Variants in ANKFN1 observed in about 807,000 individuals in gnomAD.
ANKFN1 encodes ankyrin repeat and fibronectin type III domain containing 1.
A neutral mutation model predicts 108.7 loss-of-function variants in ANKFN1; 74 were observed. The observed-to-expected ratio is 0.68, with a 90% CI of 0.56 to 0.83. ANKFN1 has a LOEUF of 0.83. Among genes scored for constraint, ANKFN1 ranks in the 40% least tolerant of loss-of-function variants. The pLI, the probability that ANKFN1 is intolerant of heterozygous loss-of-function variation, is 0.00. For synonymous variants in ANKFN1, 547 were observed against 516.2 expected (o/e 1.06, Z -0.81); for missense variants, 1,505 against 1,382.3 (o/e 1.09, Z -1.41).
chr17:56,195,678 C>T (rs1186522381), intron 1 of ANKFN1, among the ~76,000 whole-genome samples: 1 of 152,148 alleles, frequency 6.6e-6, no homozygotes, highest in Admixed American at 6.5e-5. Flanking sequence ...AGTAAACTCT[C>T]AAGGGTCTAT....
chr17:56,279,372 A>C (rs1387302621), intron 3 of ANKFN1, among the ~76,000 whole-genome samples: 2 of 152,228 alleles, frequency 1.3e-5, no homozygotes, highest in East Asian at 3.8e-4. Flanking sequence ...AATGAAATTT[A>C]AATAGAAATT....
intron 4 of ANKFN1, among the ~76,000 whole-genome samples, chr17:56,106,006 T>C (rs1598096566): frequency 6.6e-6 from 1 of 152,070 alleles, no homozygotes; most frequent in South Asian, 2.1e-4. Flanking sequence ...AGTGCAGAAG[T>C]TGAGAAACCT....
At chr17:56,072,669 C>T (rs1026636685) in intron 4 of ANKFN1, among the ~76,000 whole-genome samples, 4 of 152,166 alleles carry the variant, frequency 2.6e-5, no homozygotes, top group African/African-American at 4.8e-5. Context: ...GCTTTCTCTT[C>T]GGTAACTCAC....
At chr17:56,476,150 C>G (rs2044159) in intron 15 of ANKFN1, among the ~76,000 whole-genome samples, 79,823 of 152,074 alleles carry the variant, frequency 0.52, 25,566 homozygotes, top group East Asian at 0.87. Flanking sequence ...TACCTCCCAC[C>G]AGGCCCCTCC....
At chr17:56,250,362 A>G (rs1358317038) in intron 3 of ANKFN1, among the ~76,000 whole-genome samples, 1 of 152,230 alleles carries the variant, frequency 6.6e-6, no homozygotes, top group African/African-American at 2.4e-5. Context: ...CAGCGCAGCT[A>G]TTGAAAAAGA....
At chr17:56,390,903 C>A (rs953733716) in intron 8 of ANKFN1, among the ~76,000 whole-genome samples, 3 of 151,956 alleles carry the variant, frequency 2.0e-5, no homozygotes, top group African/African-American at 7.3e-5. Flanking sequence ...TGCTATTATG[C>A]CCTCCACCTT....
chr17:56,470,646 A>G (rs1481763799), intron 15 of ANKFN1, among the ~76,000 whole-genome samples: 1 of 152,178 alleles, frequency 6.6e-6, no homozygotes, highest in African/African-American at 2.4e-5. Context: ...ATGATCCACG[A>G]CGGGGTTTTC....
At chr17:56,361,983 G>T (rs2046534757) in intron 6 of ANKFN1, among the ~76,000 whole-genome samples, 1 of 152,120 alleles carries the variant, frequency 6.6e-6, no homozygotes. Context: ...GAATTCTGCT[G>T]ATCTCACAGA....
At chr17:56,269,752 A>G (rs2043744141) in intron 3 of ANKFN1, among the ~76,000 whole-genome samples, 1 of 152,230 alleles carries the variant, frequency 6.6e-6, no homozygotes, top group South Asian at 2.1e-4. Flanking sequence ...ACAGAATGCC[A>G]CATACATCAA....
intron 8 of ANKFN1, among the ~76,000 whole-genome samples, chr17:56,434,321 T>C (rs1218595954): frequency 6.6e-6 from 1 of 151,232 alleles, no homozygotes. Flanking sequence ...AGCCTTCTGA[T>C]TCCAACTTTG....
intron 4 of ANKFN1, among the ~76,000 whole-genome samples, chr17:56,086,865 C>G (rs958831806): frequency 6.6e-6 from 1 of 151,318 alleles, no homozygotes; most frequent in Non-Finnish European, 1.5e-5. Context: ...TTCTTGAACT[C>G]CAATACCAAG....
intron 4 of ANKFN1, among the ~76,000 whole-genome samples, chr17:56,138,250 C>A (rs973312399): frequency 6.6e-6 from 1 of 152,206 alleles, no homozygotes; most frequent in East Asian, 1.9e-4. Context: ...GGATATATAG[C>A]GGGGCTTTGT....
chr17:56,224,439 A>G (rs928633754), intron 2 of ANKFN1, among the ~76,000 whole-genome samples: 19 of 152,234 alleles, frequency 1.2e-4, no homozygotes, highest in African/African-American at 4.6e-4. Context: ...GAGCTAGATT[A>G]TTGTGTATCA....
intron 8 of ANKFN1, among the ~76,000 whole-genome samples, chr17:56,396,913 T>C (rs1450524575): frequency 1.3e-5 from 2 of 152,112 alleles, no homozygotes; most frequent in Non-Finnish European, 2.9e-5. Context: ...TTCTAATAGT[T>C]TCTTCCCCCA....
chr17:56,265,510 A>G (rs1267721472), intron 3 of ANKFN1, among the ~76,000 whole-genome samples: 1 of 152,154 alleles, frequency 6.6e-6, no homozygotes, highest in Non-Finnish European at 1.5e-5. Context: ...ACAGAGCCAA[A>G]CCATATCATG....
Position 56,510,582 on chromosome 17 carries a change from C to A in ANKFN1, c.2754C>A (p.Tyr918Ter), listed in dbSNP as rs1037673440. The A allele has an allele frequency of 1.3e-6, 2 of 1,536,076 alleles. No homozygotes were observed. Among genetic ancestry groups the A allele is most frequent in the South Asian group, 2.4e-5 (2 of 84,072 alleles). ...ALSPRDLDLVYLSSHDIAQQT... is the reference protein window; with the variant it reads ...ALSPRDLDLV ...GCCCCAGAGACCTGGACCTGGTCTA[C>A]CTATCATCTCACGACATTGCGCAGC... The change falls in exon 21 of 21, where the codon TAC (tyrosine) becomes TAA (stop). Residue 918 changes from tyrosine to a stop codon, truncating the protein, a stop_gained. Coordinates refer to ENST00000682825, the MANE Select transcript of ANKFN1 (RefSeq NM_001370326.1). LOFTEE classifies it low-confidence loss of function (END_TRUNC).
chr17:56,135,864 A>G (rs1469681029), intron 4 of ANKFN1, among the ~76,000 whole-genome samples: 1 of 152,226 alleles, frequency 6.6e-6, no homozygotes, highest in African/African-American at 2.4e-5. Context: ...AAACTAATCC[A>G]GGAAGTAAGC....
At chr17:56,210,516 T>C (rs187358961) in intron 1 of ANKFN1, among the ~76,000 whole-genome samples, 1 of 152,254 alleles carries the variant, frequency 6.6e-6, no homozygotes, top group East Asian at 1.9e-4. Context: ...TTTCATATGT[T>C]TGTTGGCCAT....
chr17:56,294,194 A>G (rs914773611), intron 3 of ANKFN1, among the ~76,000 whole-genome samples: 1 of 152,142 alleles, frequency 6.6e-6, no homozygotes, highest in Non-Finnish European at 1.5e-5. Flanking sequence ...CAAACCAAAC[A>G]CTAGACTTGG....
Sources: gnomAD v4.1 joint callset for allele counts (sites outside exome capture counted in the v4.1 genomes callset) on GRCh38, gnomAD v4.1.1 for gene constraint, MANE v1.5 for transcripts, NCBI Gene and HGNC (gene_info 2026-07-23, HGNC 2026-07-21) for gene names.